The following PARD6G variants were observed in gnomAD, a reference collection of about 807,000 sequenced individuals.
PARD6G encodes par-6 family cell polarity regulator gamma.
Under a neutral mutation model 10.7 loss-of-function variants are expected in PARD6G, and 7 were observed. The ratio of observed to expected loss-of-function variants is 0.66; its 90% CI spans 0.37 to 1.23. The LOEUF (loss-of-function observed/expected upper bound fraction) is 1.23, where lower values mean the gene tolerates loss of function less well. PARD6G is among the 50% of genes most tolerant of loss of function. The pLI, the probability that PARD6G is intolerant of heterozygous loss-of-function variation, is 0.02. For synonymous variants in PARD6G, 287 were observed against 269.4 expected, an observed-to-expected ratio of 1.07 and a Z score of -0.64; for missense variants, 548 against 571.8, an observed-to-expected ratio of 0.96 and a Z score of 0.42.
intron 2 of PARD6G, among the ~76,000 whole-genome samples, chr18:80,177,886 A>G (rs1402664929): frequency 6.6e-6 from 1 of 151,564 alleles, no homozygotes; most frequent in Non-Finnish European, 1.5e-5. Context: ...CCCACCACAC[A>G]TGCATGAAAT....
Position 80,163,485 on chromosome 18 carries a change from C to T in PARD6G, c.296-2879G>A, listed in dbSNP as rs184363173. Among the ~76,000 whole-genome samples, 1,035 of 152,312 alleles carry T rather than the reference C, an allele frequency of 6.8e-3. 4 individuals carry two copies. The highest frequency in any genetic ancestry group is 0.011 in the South Asian group (55 of 4,826). On this transcript the variant is annotated intron_variant, in intron 2 of 2. Transcript: ENST00000353265. Reference sequence around the variant, plus strand: ...TTCAATTTCACCTCCCTCTGAGAGCCGCTTGTCTTCAAGTCCCAGTTCACA... The same window carrying T: ...TTCAATTTCACCTCCCTCTGAGAGCTGCTTGTCTTCAAGTCCCAGTTCACA...
In PARD6G at chr18:80,183,370, G is replaced by A. The variant is rs1361965571; in HGVS notation, c.295+19340C>T. ...CATCCGTCTTCTTCCTTTCCAGCCA[G>A]ACAACTCTCCCTGGCCCTAATGGGT... On this transcript the variant is annotated intron_variant, in intron 2 of 2. Transcript: ENST00000353265. This position sits in a 1 kb window ranked among gnomAD's most constrained non-coding sequence, Gnocchi z 4.5. 9.2e-5 allele frequency among the ~76,000 whole-genome samples: 14 copies of A among 152,172 alleles called. No homozygotes were observed. Among genetic ancestry groups the A allele is most frequent in the Admixed American group, 9.2e-4 (14 of 15,278 alleles).
At chr18:80,230,399 T>C (rs749354239) in intron 1 of PARD6G, among the ~76,000 whole-genome samples, 10 of 152,220 alleles carry the variant, frequency 6.6e-5, no homozygotes, top group Non-Finnish European at 1.5e-4. Context: ...AGCGTGGGAC[T>C]CGGCAGTAGT....
At chr18:80,209,124 CAAAA>C (rs796904159) in intron 1 of PARD6G, among the ~76,000 whole-genome samples, 13 of 144,030 alleles carry the variant, frequency 9.0e-5, no homozygotes, top group African/African-American at 2.8e-4. Flanking sequence ...AACAAACAAA[CAAAA>C]AAAAAAAACA....
chr18:80,199,358 T>C (rs994803700), intron 2 of PARD6G, among the ~76,000 whole-genome samples: 4 of 152,252 alleles, frequency 2.6e-5, no homozygotes, highest in Admixed American at 6.5e-5. Context: ...CGCATCATTT[T>C]TCATGGCTCG....
At chr18:80,187,302 C>T (rs2052885175) in intron 2 of PARD6G, among the ~76,000 whole-genome samples, 1 of 152,118 alleles carries the variant, frequency 6.6e-6, no homozygotes, top group Non-Finnish European at 1.5e-5. Flanking sequence ...CTGACTCCCT[C>T]CCAGTGAGAA....
At chr18:80,245,138 C>G (rs1967530408) in intron 1 of PARD6G, among the ~76,000 whole-genome samples, 2 of 152,222 alleles carry the variant, frequency 1.3e-5, no homozygotes, top group South Asian at 4.1e-4. Flanking sequence ...CTGGCAGAAG[C>G]AGGCAGGCTG....
intron 1 of PARD6G, among the ~76,000 whole-genome samples, chr18:80,204,756 C>T (rs1967039977): frequency 6.6e-6 from 1 of 151,934 alleles, no homozygotes; most frequent in Non-Finnish European, 1.5e-5. Context: ...CAAGACCAGC[C>T]TGGCCAACAT....
At position 80,228,683 on chromosome 18, in the gene PARD6G, A is replaced by T. The variant is rs1967324353; in HGVS notation, c.72+18594T>A. ...CTGAGGCCCCATCCCCTGCCCACAG[A>T]CTGCGCCTCCCACCTAAGGCCCTTC... On this transcript the variant is annotated intron_variant, in intron 1 of 2. Coordinates refer to ENST00000353265, the MANE Select transcript of PARD6G (RefSeq NM_032510.4). The surrounding 1 kb of genome is among the most constrained non-coding windows in gnomAD (Gnocchi z 4.6). Among the ~76,000 whole-genome samples, 1 of 150,848 alleles carries T rather than the reference A, an allele frequency of 6.6e-6. No individual in the cohort carries two copies. Among genetic ancestry groups the T allele is most frequent in the South Asian group, 2.1e-4 (1 of 4,752 alleles).
chr18:80,159,816 C>T lies in PARD6G; in HGVS notation c.1086G>A (p.Leu362=). Residue 362 remains leucine, a synonymous_variant, in exon 3 of 3, where the codon CTG becomes CTA. Transcript: ENST00000353265. ...CGTGCTCCTCCACGCCGCCTGGCGG[C>T]AGCGCCAGGCTGTGACGGGGGTCGG... ...LRADPRHSLA[L]PPGGVEEHGP... The T allele has an allele frequency of 1.4e-6, 2 of 1,470,012 alleles. No homozygotes were observed. The highest frequency in any genetic ancestry group is 9.0e-7 in the Non-Finnish European group (1 of 1,115,784). 91.1% of individuals were successfully genotyped at this position (1,470,012 alleles called of 1,614,324 possible).
At position 80,159,907 on chromosome 18, in the gene PARD6G, G is replaced by A. The variant is rs559509485; in HGVS notation, c.995C>T (p.Ala332Val). Residue 332 changes from alanine to valine, a missense_variant, in exon 3 of 3, where the codon GCG becomes GTG. Physicochemically the swap from Ala to Val is moderately conservative, Grantham distance 64. Around this residue, in one of 2 missense-constraint regions of PARD6G, gnomAD observed 313 missense variants for 279.9 expected, o/e 1.12. Transcript: ENST00000353265. ...GGCCAGGTCCCGCTGCAGCCGCTGC[G>A]CCAGGCCCGCGCCATTGACCCGGGA... The part of the protein sequence containing the change: ...SLSRVNGAGL[A>V]QRLQRDLALD... 2.0e-6 allele frequency: 3 copies of A among 1,513,422 alleles called. No individual in the cohort carries two copies. The highest frequency in any genetic ancestry group is 2.2e-5 in the Admixed American group (1 of 45,690). 93.7% of individuals were successfully genotyped at this position (1,513,422 alleles called of 1,614,324 possible). A position where few individuals can be genotyped will look rare whatever the true frequency, so the allele number is the denominator to read the frequency against.
At chr18:80,203,129 C>T (rs1405738533) in intron 1 of PARD6G, 197 bp from the exon 2 acceptor site, 1 of 528,394 alleles carries the variant, frequency 1.9e-6, no homozygotes, top group African/African-American at 1.9e-5. Context: ...GCTACAAATG[C>T]TTTTAATACG....
chr18:80,246,758 G>A lies in PARD6G; in HGVS notation c.72+519C>T, dbSNP rs902132703. Among the ~76,000 whole-genome samples the A allele has an allele frequency of 6.6e-6, 1 of 152,044 alleles. No individual in the cohort carries two copies. Among genetic ancestry groups the A allele is most frequent in the African/African-American group, 2.4e-5 (1 of 41,408 alleles). On this transcript the variant is annotated intron_variant, in intron 1 of 2. Coordinates refer to ENST00000353265, the MANE Select transcript of PARD6G (RefSeq NM_032510.4). The surrounding 1 kb of genome is among the most constrained non-coding windows in gnomAD (Gnocchi z 6.7). ...AGCGCGCCTGGTGCCTAGATGTTTG[G>A]TACCGAGCGGGTGGGGGACGCCGGG...
intron 1 of PARD6G, among the ~76,000 whole-genome samples, chr18:80,233,358 C>G (rs1030566460): frequency 1.3e-5 from 2 of 152,184 alleles, no homozygotes; most frequent in Admixed American, 1.3e-4. Flanking sequence ...AGGCCTGTCC[C>G]CACAGCTGGG....
chr18:80,209,357 C>A (rs1248119199), intron 1 of PARD6G, among the ~76,000 whole-genome samples: 4 of 152,000 alleles, frequency 2.6e-5, no homozygotes, highest in Non-Finnish European at 2.9e-5. Context: ...CTAAATGAAC[C>A]CTCATTCATT....
At chr18:80,233,728 G>C (rs1034871278) in intron 1 of PARD6G, among the ~76,000 whole-genome samples, 3 of 152,138 alleles carry the variant, frequency 2.0e-5, no homozygotes, top group Non-Finnish European at 2.9e-5. Context: ...CCCGCACCCA[G>C]GTCCCCAGAA....
At chr18:80,214,985 A>G (rs1169251933) in intron 1 of PARD6G, among the ~76,000 whole-genome samples, 1 of 151,738 alleles carries the variant, frequency 6.6e-6, no homozygotes, top group Non-Finnish European at 1.5e-5. Context: ...TTCCTCTTGT[A>G]TAAGAGATCA....
intron 1 of PARD6G, among the ~76,000 whole-genome samples, chr18:80,214,397 C>A (rs993578968): frequency 2.6e-5 from 4 of 151,830 alleles, no homozygotes; most frequent in Admixed American, 1.3e-4. Flanking sequence ...ACCCGGGAGG[C>A]GGACCTTGCA....
chr18:80,185,061 G>C (rs534004076), intron 2 of PARD6G: 1 of 152,186 alleles, frequency 6.6e-6, no homozygotes, highest in Non-Finnish European at 1.5e-5. Flanking sequence ...ATTTGTGAGA[G>C]AGCCTAATCT....
Sources: gnomAD v4.1 joint callset for allele counts (sites outside exome capture counted in the v4.1 genomes callset) on GRCh38, gnomAD v4.1.1 for gene constraint, gnomAD v4.1.1 regional missense constraint, Gnocchi (gnomAD v3.1) non-coding constraint, MANE v1.5 for transcripts, NCBI Gene and HGNC (gene_info 2026-07-23, HGNC 2026-07-21) for gene names.